FHAD1: variants seen among roughly 807,000 people sequenced by gnomAD.
FHAD1 encodes forkhead-associated domain-containing protein 1.
A neutral mutation model predicts 191.3 loss-of-function variants in FHAD1; 146 were observed. The ratio of observed to expected loss-of-function variants is 0.76; its 90% confidence interval spans 0.67 to 0.88. The LOEUF (loss-of-function observed/expected upper bound fraction) is 0.88, where lower values mean the gene tolerates loss of function less well. Among genes scored for constraint, FHAD1 ranks in the 40% least tolerant of loss-of-function variants. The probability of loss-of-function intolerance (pLI) is 0.00; values close to 1 mark genes in which losing one functional copy is unlikely to be tolerated. For synonymous variants in FHAD1, 616 were observed against 672.3 expected, an observed-to-expected ratio of 0.92 and a Z score of 1.29; for missense variants, 1,635 against 1,785.8, an observed-to-expected ratio of 0.92 and a Z score of 1.52.
chr1:15,261,181 T>G (rs896972537), intron 2 of FHAD1, among the ~76,000 whole-genome samples: 17 of 152,166 alleles, frequency 1.1e-4, no homozygotes, highest in Non-Finnish European at 1.3e-4. Context: ...ACTCGGTTAA[T>G]CCTTTCAGCA....
At chr1:15,247,473 A>C (rs1646216767) in intron 1 of FHAD1, 78 bp downstream of exon 1, 1 of 169,326 alleles carries the variant, frequency 5.9e-6, no homozygotes, top group African/African-American at 2.4e-5. Flanking sequence ...TAGCCCTGGC[A>C]GGAGGAGGGG....
chr1:15,324,316 T>C (rs2101691558), intron 10 of FHAD1, 136 bp from the exon 11 acceptor site: 1 of 710,134 alleles, frequency 1.4e-6, no homozygotes, highest in East Asian at 2.7e-5. Context: ...CGCACGCCTG[T>C]GACCCCTGCC....
chr1:15,304,536 C>T (rs1669809999), intron 6 of FHAD1, among the ~76,000 whole-genome samples: 1 of 152,072 alleles, frequency 6.6e-6, no homozygotes, highest in Non-Finnish European at 1.5e-5. Flanking sequence ...TGTTGTGCCT[C>T]TGGTATACAA....
intron 5 of FHAD1, 140 bp downstream of exon 5, chr1:15,296,933 A>G: frequency 1.6e-6 from 1 of 640,650 alleles, no homozygotes; most frequent in Non-Finnish European, 2.7e-6. Context: ...AAGACATTCA[A>G]CCAAATGTTT....
chr1:15,376,816 G>A (rs758092245), intron 28 of FHAD1, among the ~76,000 whole-genome samples: 1 of 152,120 alleles, frequency 6.6e-6, no homozygotes, highest in Non-Finnish European at 1.5e-5. Context: ...GAAGGGTATC[G>A]CTTGAGGTCA....
intron 18 of FHAD1, among the ~76,000 whole-genome samples, chr1:15,346,700 C>A (rs1689039932): frequency 6.6e-6 from 1 of 152,378 alleles, no homozygotes; most frequent in East Asian, 1.9e-4. Context: ...GATCCCTGAT[C>A]CTTTTTCACA....
At chr1:15,337,456 G>C (rs987792454) in intron 14 of FHAD1, among the ~76,000 whole-genome samples, 1 of 152,098 alleles carries the variant, frequency 6.6e-6, no homozygotes, top group African/African-American at 2.4e-5. Flanking sequence ...GGCGTCTCTC[G>C]GGCCCTTAGC....
chr1:15,344,767 G>A (rs572507623), intron 16 of FHAD1, among the ~76,000 whole-genome samples: 2 of 152,326 alleles, frequency 1.3e-5, no homozygotes, highest in South Asian at 2.1e-4. Flanking sequence ...CAAGCATTTC[G>A]TGTTCATCGT....
At chr1:15,365,772 G>C in intron 23 of FHAD1, 55 bp from the exon 24 acceptor site, 1 of 1,138,698 alleles carries the variant, frequency 8.8e-7, no homozygotes, top group Non-Finnish European at 1.3e-6. Context: ...CTGACACTCA[G>C]GAGATAACAT....
At chr1:15,317,043 T>G (rs1674670878) in intron 9 of FHAD1, among the ~76,000 whole-genome samples, 1 of 152,016 alleles carries the variant, frequency 6.6e-6, no homozygotes, top group Admixed American at 6.6e-5. Flanking sequence ...AAAAATTAGC[T>G]GGGCATGGTG....
intron 31 of FHAD1, among the ~76,000 whole-genome samples, chr1:15,385,656 T>C (rs906150596): frequency 3.9e-5 from 6 of 152,132 alleles, no homozygotes; most frequent in Non-Finnish European, 7.4e-5. Context: ...ACACCTGTAA[T>C]CTCAGCTACT....
chr1:15,259,216 C>T (rs962111351), intron 2 of FHAD1, among the ~76,000 whole-genome samples: 2 of 152,096 alleles, frequency 1.3e-5, no homozygotes, highest in Non-Finnish European at 2.9e-5. Flanking sequence ...AACGGCCACA[C>T]CCCCATGTAT....
At position 15,329,899 on chromosome 1, in the gene FHAD1, T is replaced by G. The variant is rs1028555433; in HGVS notation, c.1906+358T>G. ...CCCTGTCTATGCCTCAGTTTCCCTA[T>G]CTGTAAAATGAGGCTAATAGGGAGT... On this transcript the variant is annotated intron_variant, in intron 14 of 33. Transcript: ENST00000688493. This position sits in a 1 kb window ranked among gnomAD's most constrained non-coding sequence, Gnocchi z 5.0. The G allele has an allele frequency of 1.5e-4, 39 of 253,988 alleles. No homozygotes were observed. The highest frequency in any genetic ancestry group is 2.6e-4 in the Non-Finnish European group (33 of 127,736). 15.7% of individuals were successfully genotyped at this position (253,988 alleles called of 1,614,324 possible). A position where few individuals can be genotyped will look rare whatever the true frequency, so the allele number is the denominator to read the frequency against.
rs544350826 is a variant in FHAD1 at position 15,358,256 on chromosome 1, C to T, written c.2709C>T (p.Ala903=). The T allele has an allele frequency of 9.8e-6, 15 of 1,529,606 alleles. No individual in the cohort carries two copies. The highest frequency in any genetic ancestry group is 7.6e-5 in the South Asian group (6 of 78,984). 94.8% of individuals were successfully genotyped at this position (1,529,606 alleles called of 1,614,324 possible). The change falls in exon 21 of 34, where the codon GCC becomes GCT. Residue 903 remains alanine, a synonymous_variant. Transcript: ENST00000688493. ...SLALKLNETL[A]ELETTKTKMI... ...CCTTGAAATTAAATGAAACATTAGC[C>T]GAACTGGAAACTACCAAGACAAAAA...
At chr1:15,308,940 T>C (rs1671405982) in intron 7 of FHAD1, among the ~76,000 whole-genome samples, 1 of 152,222 alleles carries the variant, frequency 6.6e-6, no homozygotes, top group African/African-American at 2.4e-5. Flanking sequence ...GTTCCTAGCA[T>C]AGGGCCTGGT....
In FHAD1 at chr1:15,280,610, G is replaced by A. The variant is rs554091208; in HGVS notation, c.300+8081G>A. Among the ~76,000 whole-genome samples, 52 of 152,264 alleles carry A rather than the reference G, an allele frequency of 3.4e-4. 1 individual carries two copies. The highest frequency in any genetic ancestry group is 7.4e-5 in the Non-Finnish European group (5 of 68,024). On this transcript the variant is annotated intron_variant, in intron 3 of 33. Transcript: ENST00000688493. Reference sequence around the variant, plus strand: ...CCCAAAACCCCAGGGATCAACCGTGGCTGTTTCCTGCAGGTCACACTCTTC... The same window carrying A: ...CCCAAAACCCCAGGGATCAACCGTGACTGTTTCCTGCAGGTCACACTCTTC...
intron 1 of FHAD1, among the ~76,000 whole-genome samples, chr1:15,238,670 T>C: frequency 6.6e-6 from 1 of 152,332 alleles, no homozygotes; most frequent in East Asian, 1.9e-4. Flanking sequence ...ACACAGCCCC[T>C]GTGCCTCCTT....
intron 6 of FHAD1, among the ~76,000 whole-genome samples, 151 bp downstream of exon 6, chr1:15,301,592 T>G (rs953542653): frequency 1.3e-5 from 2 of 152,184 alleles, no homozygotes; most frequent in African/African-American, 4.8e-5. Context: ...ACTGGGAGAT[T>G]CGGCAGTTTC....
At chr1:15,279,554 C>CAAAAAA (rs57662759) in intron 3 of FHAD1, among the ~76,000 whole-genome samples, 1 of 96,876 alleles carries the variant, frequency 1.0e-5, no homozygotes, top group Non-Finnish European at 2.1e-5. Context: ...CCTTAAAACT[C>CAAAAAA]AAAAAAAAAA....
Sources: allele counts gnomAD v4.1 joint callset (sites outside exome capture counted in the v4.1 genomes callset), GRCh38; gene constraint gnomAD v4.1.1; non-coding constraint Gnocchi (gnomAD v3.1); transcripts MANE v1.5; gene names NCBI Gene and HGNC (gene_info 2026-07-23, HGNC 2026-07-21).